The following EFR3B variants were observed in gnomAD, a reference collection of about 807,000 sequenced individuals.
EFR3B encodes protein EFR3 homolog B.
A neutral mutation model predicts 104.7 loss-of-function variants in EFR3B; 64 were observed. That is an observed-to-expected ratio of 0.61 (90% confidence interval 0.50 to 0.75). EFR3B has a LOEUF of 0.75. Ranked by LOEUF, EFR3B falls within the 30% of genes least tolerant of loss-of-function variation. The probability of loss-of-function intolerance (pLI) is 0.00; values close to 1 mark genes in which losing one functional copy is unlikely to be tolerated. For missense variants in EFR3B, 750 were observed against 1,078.5 expected (o/e 0.70, Z 4.27); for synonymous variants, 385 against 417.9 (o/e 0.92, Z 0.96).
intron 2 of EFR3B, 24 bp downstream of exon 2, chr2:25,091,425 T>TCA: frequency 6.5e-7 from 1 of 1,542,296 alleles, no homozygotes; most frequent in Non-Finnish European, 8.7e-7. Context: ...CTGGCAGGCA[T>TCA]CGTGGCTCTC....
chr2:25,070,471 C>T (rs1272263742), intron 1 of EFR3B, among the ~76,000 whole-genome samples: 1 of 152,072 alleles, frequency 6.6e-6, no homozygotes, highest in Non-Finnish European at 1.5e-5. Context: ...CCATGTTGGC[C>T]AGGCTGGTCT....
chr2:25,095,881 C>A (rs1048412150), intron 3 of EFR3B, among the ~76,000 whole-genome samples: 1 of 152,174 alleles, frequency 6.6e-6, no homozygotes, highest in Non-Finnish European at 1.5e-5. Flanking sequence ...GTTGTGTTTG[C>A]TCCCCAACCA....
At chr2:25,079,365 G>A (rs2149178431) in intron 1 of EFR3B, among the ~76,000 whole-genome samples, 1 of 152,334 alleles carries the variant, frequency 6.6e-6, no homozygotes, top group Admixed American at 6.5e-5. Flanking sequence ...TTTTTGGAAA[G>A]TGATGGAAGA....
At chr2:25,084,670 T>C (rs1668901612) in intron 1 of EFR3B, among the ~76,000 whole-genome samples, 1 of 152,164 alleles carries the variant, frequency 6.6e-6, no homozygotes, top group Non-Finnish European at 1.5e-5. Flanking sequence ...TAGGGAGACA[T>C]GAGACATCAA....
At position 25,131,781 on chromosome 2, in the gene EFR3B, G is replaced by A. The variant is rs1485232554; in HGVS notation, c.1017G>A (p.Leu339=). The A allele has an allele frequency of 4.5e-6, 7 of 1,541,346 alleles. No homozygotes were observed. The highest frequency in any genetic ancestry group is 1.8e-6 in the Non-Finnish European group (2 of 1,142,348). ...GPTVLEMFNT[L]LRQLRLSIDY... is the part of the protein sequence containing the mutation. ...CAGTACTGGAGATGTTCAACACGCT[G>A]CTGAGGCAGCTGCGGCTCAGCATCG... is the stretch of plus-strand genomic sequence containing the variant. The change falls in exon 10 of 23, where the codon CTG becomes CTA. Residue 339 remains leucine (L), a synonymous_variant. Transcript: ENST00000403714. This position sits in a 1 kb window ranked among gnomAD's most constrained non-coding sequence, Gnocchi z 7.6.
intron 1 of EFR3B, among the ~76,000 whole-genome samples, chr2:25,074,291 C>G (rs1329287600): frequency 6.6e-6 from 1 of 152,156 alleles, no homozygotes; most frequent in Non-Finnish European, 1.5e-5. Flanking sequence ...TTTGGCTGAG[C>G]ACAGTGGCTC....
chr2:25,120,238 C>T (rs915307545), intron 4 of EFR3B, among the ~76,000 whole-genome samples: 12 of 151,914 alleles, frequency 7.9e-5, no homozygotes, highest in African/African-American at 2.9e-4. Context: ...GTAATCCTAG[C>T]TAGTCAGGAG....
chr2:25,140,776 C>T (rs976816845), intron 16 of EFR3B, among the ~76,000 whole-genome samples: 1 of 152,174 alleles, frequency 6.6e-6, no homozygotes, highest in Non-Finnish European at 1.5e-5. Flanking sequence ...GGTGCAGCGG[C>T]TCAGCCTTAA....
rs1040076358 is a variant in EFR3B at position 25,080,988 on chromosome 2, G to C, written c.8-10337G>C. 145 of 756,782 alleles carry C rather than the reference G, an allele frequency of 1.9e-4. 1 individual carries two copies. In the East Asian group the frequency reaches 2.2e-3, roughly 12 times the overall value. The allele number at this position is 756,782 out of a possible 1,614,324, so 46.9% of individuals were successfully genotyped here. A position where few individuals can be genotyped will look rare whatever the true frequency, so the allele number is the denominator to read the frequency against. ...TTTGATGCCTTCTACAATATCAACA[G>C]GTTCTTTAATTGCATCAGGAGTCTC... On this transcript the variant is annotated intron_variant, in intron 1 of 22. Coordinates refer to ENST00000403714, the MANE Select transcript of EFR3B (RefSeq NM_014971.2).
intron 2 of EFR3B, among the ~76,000 whole-genome samples, chr2:25,091,658 C>T (rs1044288420): frequency 9.8e-5 from 15 of 152,334 alleles, no homozygotes; most frequent in African/African-American, 3.6e-4. Context: ...ATGCTTGTGG[C>T]CATCACTGTC....
chr2:25,133,762 CCT>C (rs939617131), intron 12 of EFR3B, among the ~76,000 whole-genome samples: 6 of 152,138 alleles, frequency 3.9e-5, no homozygotes, highest in East Asian at 1.9e-4. Flanking sequence ...CCTGGTACCC[CCT>C]CTTTCCCTTT....
At chr2:25,129,343 C>G (rs867017112) in intron 6 of EFR3B, among the ~76,000 whole-genome samples, 1 of 8,672 alleles carries the variant, frequency 1.2e-4, no homozygotes, top group African/African-American at 2.3e-4. Flanking sequence ...GGGGCGGGGG[C>G]GGGGGCGGGG....
intron 2 of EFR3B, among the ~76,000 whole-genome samples, chr2:25,091,899 C>A (rs1327896673): frequency 6.6e-6 from 1 of 152,086 alleles, no homozygotes; most frequent in African/African-American, 2.4e-5. Flanking sequence ...TGTCAGGCTG[C>A]TTTGTGGGTC....
intron 2 of EFR3B, 92 bp from the exon 3 acceptor site, chr2:25,092,911 T>G (rs1669172518): frequency 1.4e-6 from 2 of 1,460,204 alleles, no homozygotes; most frequent in African/African-American, 1.4e-5. Flanking sequence ...ACTCTGTAAA[T>G]GTTGATTCCG....
At position 25,042,472 on chromosome 2, in the gene EFR3B, C is replaced by T. The variant is rs1052363235; in HGVS notation, c.7+153C>T. 6.6e-6 allele frequency: 8 copies of T among 1,206,570 alleles called. No individual in the cohort carries two copies. Among genetic ancestry groups the T allele is most frequent in the Non-Finnish European group, 6.2e-6 (6 of 971,984 alleles). The allele number at this position is 1,206,570 out of a possible 1,614,324, so 74.7% of individuals were successfully genotyped here. A position where few individuals can be genotyped will look rare whatever the true frequency, so the allele number is the denominator to read the frequency against. On this transcript the variant is annotated intron_variant, in intron 1 of 22. Coordinates refer to ENST00000403714, the MANE Select transcript of EFR3B (RefSeq NM_014971.2). This position sits in a 1 kb window ranked among gnomAD's most constrained non-coding sequence, Gnocchi z 5.4. ...CTGTTGCGGTCGCTCTGTGCGCGCG[C>T]GTCTGCGCTGCGAGGACAAAGATGC...
intron 4 of EFR3B, 87 bp downstream of exon 4, chr2:25,103,874 C>A: frequency 6.7e-7 from 1 of 1,487,564 alleles, no homozygotes; most frequent in South Asian, 1.3e-5. Flanking sequence ...TCGGCACTGT[C>A]ATGTTCTGTT....
At position 25,042,357 on chromosome 2, in the gene EFR3B, G is replaced by T; in HGVS notation, c.7+38G>T. On this transcript the variant is annotated intron_variant, in intron 1 of 22. Coordinates refer to ENST00000403714, the MANE Select transcript of EFR3B (RefSeq NM_014971.2). This position sits in a 1 kb window ranked among gnomAD's most constrained non-coding sequence, Gnocchi z 5.4. ...CCGCGCCCGGGCCCGGGCCCGCGGG[G>T]GCGACTCCGCAAACTTCCCCGGCGC... is the stretch of plus-strand genomic sequence containing the variant. The T allele has an allele frequency of 8.0e-7, 1 of 1,250,690 alleles. No homozygotes were observed. The allele number at this position is 1,250,690 out of a possible 1,614,324, so 77.5% of individuals were successfully genotyped here. A position where few individuals can be genotyped will look rare whatever the true frequency, so the allele number is the denominator to read the frequency against.
At chr2:25,133,152 A>G (rs888669035) in intron 11 of EFR3B, 138 bp downstream of exon 11, 8 of 921,470 alleles carry the variant, frequency 8.7e-6, no homozygotes, top group African/African-American at 3.3e-5. Flanking sequence ...GCAGCCTTTA[A>G]TGGGGCTCTT....
Position 25,080,283 on chromosome 2 carries a change from C to CTTTTTTTTTTTTTTTTT in EFR3B, c.8-11030_8-11014dup, listed in dbSNP as rs563438610. 572 of 154,946 alleles carry CTTTTTTTTTTTTTTTTT rather than the reference C, an allele frequency of 3.7e-3. 79 individuals are homozygous for CTTTTTTTTTTTTTTTTT. Among genetic ancestry groups the CTTTTTTTTTTTTTTTTT allele is most frequent in the African/African-American group, 9.7e-3 (74 of 7,616 alleles). The allele number at this position is 154,946 out of a possible 1,614,324, so 9.6% of individuals were successfully genotyped here. The stretch of plus-strand genomic sequence containing the variant: ...AGCTGGCTGGAGTCCCTCCCCAAAG[C>CTTTTTTTTTTTTTTTTT]TTTTTTTTTTTTTTTTTTTTTTTTT... On this transcript the variant is annotated intron_variant, in intron 1 of 22. Transcript: ENST00000403714.
Sources: allele counts gnomAD v4.1 joint callset (sites outside exome capture counted in the v4.1 genomes callset), GRCh38; gene constraint gnomAD v4.1.1; non-coding constraint Gnocchi (gnomAD v3.1); transcripts MANE v1.5; gene names NCBI Gene and HGNC (gene_info 2026-07-23, HGNC 2026-07-21).